CHIA: variants seen among roughly 807,000 people sequenced by gnomAD.
CHIA encodes the protein chitinase acidic.
CHIA carries 47 observed loss-of-function variants against 53.5 expected under a neutral mutation model. That is an observed-to-expected ratio of 0.88 (90% confidence interval 0.70 to 1.12). The LOEUF (loss-of-function observed/expected upper bound fraction) is 1.12. Ranked by LOEUF, CHIA falls within the 50% of genes most tolerant of loss-of-function variation. The pLI, the probability that CHIA is intolerant of heterozygous loss-of-function variation, is 0.00. For missense variants in CHIA, 652 were observed against 592.2 expected, an observed-to-expected ratio of 1.10 and a Z score of -1.05; for synonymous variants, 268 against 222.2, an observed-to-expected ratio of 1.21 and a Z score of -1.83.
In CHIA at chr1:111,318,660, G is replaced by T; in HGVS notation, c.897G>T (p.Gly299=). The T allele has an allele frequency of 6.2e-7, 1 of 1,613,950 alleles. No homozygotes were observed. Among genetic ancestry groups the T allele is most frequent in the Non-Finnish European group, 8.5e-7 (1 of 1,179,912 alleles). Residue 299 remains glycine (G), a synonymous_variant, in exon 9 of 12, where the codon GGG becomes GGT. Transcript: ENST00000369740. The part of the protein sequence containing the change: ...GPAGPYAKES[G]IWAYYEICTF... ...CTGGGCCCTATGCCAAGGAGTCTGG[G>T]ATCTGGGCTTACTACGAGGTATGTA... is the stretch of plus-strand genomic sequence containing the variant.
chr1:111,318,196 A>G, intron 8 of CHIA, 87 bp downstream of exon 8: 1 of 1,318,968 alleles, frequency 7.6e-7, no homozygotes, highest in Non-Finnish European at 1.1e-6. Flanking sequence ...TCATAAGTTT[A>G]GTGGTTTTCT....
At chr1:111,311,622 C>T in intron 2 of CHIA, 67 bp from the exon 3 acceptor site, 1 of 1,568,684 alleles carries the variant, frequency 6.4e-7, no homozygotes, top group South Asian at 1.1e-5. Context: ...GCAATCAATC[C>T]TTCAGAATTA....
In CHIA at chr1:111,318,540, G is replaced by T; in HGVS notation, c.777G>T (p.Lys259Asn). The T allele has an allele frequency of 6.2e-7, 1 of 1,614,210 alleles. No individual in the cohort carries two copies. Among genetic ancestry groups the T allele is most frequent in the Non-Finnish European group, 8.5e-7 (1 of 1,180,030 alleles). Residue 259 changes from lysine to asparagine, a missense_variant, in exon 9 of 12, where the codon AAG becomes AAT. Coordinates refer to ENST00000369740, the MANE Select transcript of CHIA (RefSeq NM_201653.4). ...AGGACAATGGAGCACCAGCTGAGAA[G>T]CTCATCGTTGGATTCCCTACCTATG... ...YWKDNGAPAEKLIVGFPTYGH... is the reference protein window; with the variant it reads ...YWKDNGAPAENLIVGFPTYGH...
chr1:111,303,490 CATATGAATACACACACAT>C (rs1338513323), intron 1 of CHIA, among the ~76,000 whole-genome samples: 3 of 151,954 alleles, frequency 2.0e-5, no homozygotes, highest in Non-Finnish European at 4.4e-5. Flanking sequence ...TATACACACA[CATATGAATACACACACAT>C]ATATAGCTAT....
At chr1:111,310,608 T>C in intron 2 of CHIA, 116 bp downstream of exon 2, 1 of 1,532,442 alleles carries the variant, frequency 6.5e-7, no homozygotes. Context: ...CCATTCTTCT[T>C]TCATCATTTC....
At chr1:111,312,117 C>T (rs1435825998) in intron 3 of CHIA, 73 bp from the exon 4 acceptor site, 42 of 1,256,806 alleles carry the variant, frequency 3.3e-5, no homozygotes, top group Non-Finnish European at 4.5e-5. Context: ...GAAACAGAGG[C>T]AAGGCCAAAA....
At chr1:111,298,007 A>G (rs920374921) in intron 1 of CHIA, among the ~76,000 whole-genome samples, 3 of 152,056 alleles carry the variant, frequency 2.0e-5, no homozygotes, top group African/African-American at 7.2e-5. Flanking sequence ...AGGCCATTAC[A>G]TAATGGTAAA....
intron 2 of CHIA, among the ~76,000 whole-genome samples, chr1:111,311,361 C>A (rs1054394436): frequency 2.0e-5 from 3 of 152,154 alleles, no homozygotes; most frequent in Non-Finnish European, 4.4e-5. Flanking sequence ...AGGGGAAGAA[C>A]GAATGGATGT....
chr1:111,314,601 G>C lies in CHIA; in HGVS notation c.314+5G>C. On this transcript the variant is annotated splice_donor_5th_base_variant and intron_variant, in intron 5 of 11. Transcript: ENST00000369740. Reference sequence around the variant, plus strand: ...CTGGAACTTCGGGACTGCCCCGTAAGTCTTCTATGGAGAGCATGTTGTTCG... The same window carrying C: ...CTGGAACTTCGGGACTGCCCCGTAACTCTTCTATGGAGAGCATGTTGTTCG... 1 of 1,610,132 alleles carries C rather than the reference G, an allele frequency of 6.2e-7. No homozygotes were observed. Among genetic ancestry groups the C allele is most frequent in the Non-Finnish European group, 8.5e-7 (1 of 1,176,384 alleles).
At chr1:111,301,118 T>A (rs950270630) in intron 1 of CHIA, among the ~76,000 whole-genome samples, 2 of 152,160 alleles carry the variant, frequency 1.3e-5, no homozygotes, top group Non-Finnish European at 2.9e-5. Context: ...AGGAACACTT[T>A]TACACTGTTG....
In CHIA at chr1:111,317,703, A is replaced by C. The variant is rs2101651312; in HGVS notation, c.503A>C (p.Gln168Pro). 2 of 1,614,164 alleles carry C rather than the reference A, an allele frequency of 1.2e-6. No homozygotes were observed. Among genetic ancestry groups the C allele is most frequent in the East Asian group, 4.5e-5 (2 of 44,886 alleles). Reference protein sequence around the residue: ...LVQEMREAFEQEAKQINKPRL... With the variant: ...LVQEMREAFEPEAKQINKPRL... ...TAGGAAATGCGTGAAGCTTTTGAGCAGGAGGCCAAGCAGATCAACAAGCCC... is the reference window on the plus strand; with the variant it reads ...TAGGAAATGCGTGAAGCTTTTGAGCCGGAGGCCAAGCAGATCAACAAGCCC... The change falls in exon 7 of 12, where the codon CAG becomes CCG. Residue 168 changes from glutamine to proline, a missense_variant. Transcript: ENST00000369740.
chr1:111,295,976 A>G (rs575252423), intron 1 of CHIA, among the ~76,000 whole-genome samples: 2 of 152,308 alleles, frequency 1.3e-5, no homozygotes, highest in Non-Finnish European at 2.9e-5. Flanking sequence ...GCAGTCTGAG[A>G]TTGACCTGTG....
intron 1 of CHIA, among the ~76,000 whole-genome samples, chr1:111,294,966 GT>G (rs1023981385): frequency 6.6e-6 from 1 of 152,114 alleles, no homozygotes; most frequent in African/African-American, 2.4e-5. Context: ...TTGCATCAGT[GT>G]TTATAAGGGA....
intron 6 of CHIA, chr1:111,317,282 G>T: frequency 5.6e-6 from 1 of 180,132 alleles, no homozygotes; most frequent in East Asian, 1.3e-4. Flanking sequence ...CATTTTATTT[G>T]ATGGGATGTC....
At chr1:111,294,243 G>A (rs1661206134) in intron 1 of CHIA, among the ~76,000 whole-genome samples, 1 of 152,090 alleles carries the variant, frequency 6.6e-6, no homozygotes, top group Non-Finnish European at 1.5e-5. Context: ...TATTTGAACA[G>A]CAGGCTATAG....
At chr1:111,291,836 G>T (rs569481095) in intron 1 of CHIA, among the ~76,000 whole-genome samples, 11 of 150,686 alleles carry the variant, frequency 7.3e-5, no homozygotes, top group Admixed American at 4.0e-4. Context: ...CTGTCGGGGG[G>T]GGGTGGGGGT....
intron 1 of CHIA, among the ~76,000 whole-genome samples, chr1:111,299,122 A>C (rs1647483192): frequency 6.6e-6 from 1 of 152,148 alleles, no homozygotes. Context: ...AAAAAGGCCA[A>C]GACCAGATGG....
chr1:111,317,942 G>A (rs775103033), intron 7 of CHIA, 44 bp from the exon 8 acceptor site: 20 of 1,613,396 alleles, frequency 1.2e-5, no homozygotes. Flanking sequence ...ATAGGTGTGG[G>A]AAATGACCAT....
At chr1:111,299,253 C>T (rs1647495390) in intron 1 of CHIA, among the ~76,000 whole-genome samples, 1 of 152,150 alleles carries the variant, frequency 6.6e-6, no homozygotes, top group African/African-American at 2.4e-5. Flanking sequence ...CCAACATCAT[C>T]CTGATACCAA....
Sources: allele counts gnomAD v4.1 joint callset (sites outside exome capture counted in the v4.1 genomes callset), GRCh38; gene constraint gnomAD v4.1.1; transcripts MANE v1.5; gene names NCBI Gene and HGNC (gene_info 2026-07-23, HGNC 2026-07-21).